Variants in NAALADL2 observed in about 807,000 individuals in gnomAD.
NAALADL2 encodes the protein inactive N-acetylated-alpha-linked acidic dipeptidase-like protein 2.
A neutral mutation model predicts 87.2 loss-of-function variants in NAALADL2; 76 were observed. That is an observed-to-expected ratio of 0.87 (90% CI 0.72 to 1.05). The LOEUF is 1.05. NAALADL2 is among the 50% of genes least tolerant of loss of function. NAALADL2 has a pLI of 0.00. For missense variants in NAALADL2, 1,089 were observed against 945.8 expected, an observed-to-expected ratio of 1.15 and a Z score of -1.99; for synonymous variants, 354 against 331.0, an observed-to-expected ratio of 1.07 and a Z score of -0.75.
chr3:174,829,101 TTGTTG>T lies in NAALADL2; in HGVS notation c.-9+91357_-9+91361del, dbSNP rs1381239433. Among the ~76,000 whole-genome samples, 541 of 104,286 alleles carry T rather than the reference TTGTTG, an allele frequency of 5.2e-3. 2 individuals carry two copies. The highest frequency in any genetic ancestry group is 0.04 in the East Asian group (77 of 1,916). The allele number at this position is 104,286 out of a possible 152,430, so 68.4% of individuals were successfully genotyped here. ...CAGGTATTACATCTGTTTTTTTTTG[TTGTTG>T]TTGTTGTTGTTGTTGTTTTTAATTA... is the stretch of plus-strand genomic sequence containing the variant. On this transcript the variant is annotated intron_variant, in intron 3 of 3. Coordinates refer to the NAALADL2 transcript ENST00000434257.
At chr3:175,791,080 G>T (rs748631093) in intron 13 of NAALADL2, among the ~76,000 whole-genome samples, 1 of 152,052 alleles carries the variant, frequency 6.6e-6, no homozygotes, top group Non-Finnish European at 1.5e-5. Flanking sequence ...TAAAAGTTTC[G>T]CAGGTTATTC....
chr3:175,749,020 T>A (rs1746277367), intron 12 of NAALADL2, among the ~76,000 whole-genome samples: 1 of 150,842 alleles, frequency 6.6e-6, no homozygotes, highest in East Asian at 2.0e-4. Context: ...GGTAGAAGGA[T>A]CTCTTGAGCT....
intron 3 of NAALADL2, among the ~76,000 whole-genome samples, chr3:174,753,239 A>G (rs1423623706): frequency 6.6e-6 from 1 of 152,006 alleles, no homozygotes; most frequent in African/African-American, 2.4e-5. Context: ...ATGCCTGGCT[A>G]ATTTTTTTGT....
At chr3:174,856,341 A>C (rs1725864609), upstream of NAALADL2, among the ~76,000 whole-genome samples, 1 of 152,128 alleles carries the variant, frequency 6.6e-6, no homozygotes, top group South Asian at 2.1e-4. Flanking sequence ...GTCTTCCTGA[A>C]TCCACACTTT....
chr3:174,990,760 G>A (rs1382687312), intron 1 of NAALADL2, among the ~76,000 whole-genome samples: 1 of 152,012 alleles, frequency 6.6e-6, no homozygotes, highest in South Asian at 2.1e-4. Context: ...AATCACTTGG[G>A]GAGCTTTTAA....
intron 1 of NAALADL2, among the ~76,000 whole-genome samples, chr3:174,446,889 G>A (rs534768147): frequency 6.6e-6 from 1 of 152,218 alleles, no homozygotes; most frequent in East Asian, 1.9e-4. Flanking sequence ...CTTCTTGGAT[G>A]GAGGGATCTG....
chr3:175,067,293 C>G (rs546772220), intron 1 of NAALADL2, among the ~76,000 whole-genome samples: 1 of 152,214 alleles, frequency 6.6e-6, no homozygotes, highest in African/African-American at 2.4e-5. Context: ...AAGCTATCAG[C>G]AGAGTAATCA....
chr3:175,257,892 G>A (rs2109851049), intron 4 of NAALADL2, among the ~76,000 whole-genome samples: 1 of 152,162 alleles, frequency 6.6e-6, no homozygotes, highest in Admixed American at 6.5e-5. Flanking sequence ...TTTAAAAAAT[G>A]TATTATATTA....
In NAALADL2 at chr3:175,698,481, ATT is replaced by A. The variant is rs1264385670; in HGVS notation, c.1897-38823_1897-38822del. Among the ~76,000 whole-genome samples the A allele has an allele frequency of 1.2e-3, 138 of 110,982 alleles. 23 individuals are homozygous for A. Among genetic ancestry groups the A allele is most frequent in the African/African-American group, 3.3e-3 (72 of 21,764 alleles). 72.8% of individuals were successfully genotyped at this position (110,982 alleles called of 152,430 possible). A position where few individuals can be genotyped will look rare whatever the true frequency, so the allele number is the denominator to read the frequency against. Reference sequence around the variant, plus strand: ...TATGTGTATATATGTGTGTATATATATTTATATATATATATATATATAAAATC... The same window carrying A: ...TATGTGTATATATGTGTGTATATATATATATATATATATATATATAAAATC... On this transcript the variant is annotated intron_variant, in intron 11 of 13. Transcript: ENST00000454872.
chr3:174,752,299 A>T (rs1381190550), intron 3 of NAALADL2, among the ~76,000 whole-genome samples: 1 of 152,108 alleles, frequency 6.6e-6, no homozygotes, highest in East Asian at 1.9e-4. Context: ...GTTTTAAAAA[A>T]TTTTCCAGTG....
chr3:175,795,635 A>G (rs903105245), intron 13 of NAALADL2, among the ~76,000 whole-genome samples: 4 of 151,984 alleles, frequency 2.6e-5, no homozygotes, highest in Non-Finnish European at 5.9e-5. Context: ...GTGAGCAGAG[A>G]TTGTGCCACT....
At chr3:175,214,854 C>T (rs1742272034) in intron 2 of NAALADL2, among the ~76,000 whole-genome samples, 1 of 152,148 alleles carries the variant, frequency 6.6e-6, no homozygotes, top group African/African-American at 2.4e-5. Context: ...TACAGACATT[C>T]TTGTACATTA....
intron 2 of NAALADL2, among the ~76,000 whole-genome samples, chr3:175,168,693 T>G (rs1734344971): frequency 1.3e-5 from 2 of 151,816 alleles, no homozygotes; most frequent in Admixed American, 6.6e-5. Flanking sequence ...TTTTTCTGTT[T>G]GTTCTAATGG....
At chr3:175,332,560 CA>C (rs1418652339) in intron 5 of NAALADL2, among the ~76,000 whole-genome samples, 2 of 152,152 alleles carry the variant, frequency 1.3e-5, no homozygotes, top group African/African-American at 4.8e-5. Context: ...CTTCGCCTCC[CA>C]AAATGCTGAG....
intron 3 of NAALADL2, among the ~76,000 whole-genome samples, chr3:174,750,569 G>T (rs552935515): frequency 6.6e-6 from 1 of 152,050 alleles, no homozygotes; most frequent in Non-Finnish European, 1.5e-5. Flanking sequence ...GAGTAGCTGG[G>T]ATTAAAGGTG....
chr3:175,386,225 CT>C (rs34006374), intron 5 of NAALADL2, among the ~76,000 whole-genome samples: 21 of 148,276 alleles, frequency 1.4e-4, no homozygotes, highest in South Asian at 4.2e-4. Flanking sequence ...GATAGATCAT[CT>C]TTTTTTTTTT....
chr3:174,917,999 TATG>T (rs1734638530), intron 1 of NAALADL2, among the ~76,000 whole-genome samples: 1 of 152,100 alleles, frequency 6.6e-6, no homozygotes, highest in Non-Finnish European at 1.5e-5. Flanking sequence ...ATTAAATATT[TATG>T]ATGAAAATAA....
At chr3:175,212,443 C>G (rs1290688565) in intron 2 of NAALADL2, among the ~76,000 whole-genome samples, 1 of 151,966 alleles carries the variant, frequency 6.6e-6, no homozygotes, top group African/African-American at 2.4e-5. Flanking sequence ...ATCAAATTTA[C>G]TGAAGATATA....
intron 3 of NAALADL2, among the ~76,000 whole-genome samples, chr3:174,805,899 C>T (rs9848453): frequency 6.6e-6 from 1 of 151,988 alleles, no homozygotes; most frequent in Non-Finnish European, 1.5e-5. Flanking sequence ...CCCTATTTCT[C>T]TATTAATCTA....
Sources: allele counts gnomAD v4.1 joint callset (sites outside exome capture counted in the v4.1 genomes callset), GRCh38; gene constraint gnomAD v4.1.1; transcripts MANE v1.5; gene names NCBI Gene and HGNC (gene_info 2026-07-23, HGNC 2026-07-21).